Variants in INTS4 observed in about 807,000 individuals in gnomAD.
The protein encoded by INTS4 is MSTP093.
INTS4 carries 70 observed loss-of-function variants against 119.5 expected under a neutral mutation model. That is an observed-to-expected ratio of 0.59 (90% CI 0.48 to 0.71). The LOEUF (loss-of-function observed/expected upper bound fraction) is 0.71. Among genes scored for constraint, INTS4 ranks in the 30% least tolerant of loss-of-function variants. The pLI, the probability that INTS4 is intolerant of heterozygous loss-of-function variation, is 0.00. For synonymous variants in INTS4, 316 were observed against 419.6 expected, an observed-to-expected ratio of 0.75 and a Z score of 3.02; for missense variants, 867 against 1,173.2, an observed-to-expected ratio of 0.74 and a Z score of 3.81.
intron 10 of INTS4, among the ~76,000 whole-genome samples, chr11:77,937,320 C>T: frequency 6.6e-6 from 1 of 151,346 alleles, no homozygotes; most frequent in Non-Finnish European, 1.5e-5. Context: ...ATATCATAAT[C>T]AAATTGCTTA....
chr11:77,881,123 G>A (rs1290278491), intron 22 of INTS4, among the ~76,000 whole-genome samples: 1 of 152,146 alleles, frequency 6.6e-6, no homozygotes, highest in Non-Finnish European at 1.5e-5. Context: ...CTTGGGAGAA[G>A]GAGACAAGAT....
chr11:77,983,889 CAAAA>C (rs1049555460), intron 2 of INTS4, among the ~76,000 whole-genome samples: 3 of 151,850 alleles, frequency 2.0e-5, no homozygotes, highest in African/African-American at 7.3e-5. Context: ...GGTATATACT[CAAAA>C]AAATTTAAAG....
At chr11:77,984,955 G>A (rs1856398828) in intron 2 of INTS4, among the ~76,000 whole-genome samples, 1 of 148,928 alleles carries the variant, frequency 6.7e-6, no homozygotes, top group African/African-American at 2.5e-5. Context: ...CTGACCTAGT[G>A]ACATTCCTTA....
intron 5 of INTS4, 50 bp from the exon 6 acceptor site, chr11:77,960,441 T>A (rs764920655): frequency 3.1e-6 from 4 of 1,290,388 alleles, no homozygotes; most frequent in African/African-American, 1.5e-5. Flanking sequence ...AGAGCAATAT[T>A]TCCAATGTCT....
At chr11:77,968,234 A>T (rs1462618933) in intron 4 of INTS4, among the ~76,000 whole-genome samples, 1 of 152,214 alleles carries the variant, frequency 6.6e-6, no homozygotes, top group Non-Finnish European at 1.5e-5. Context: ...TCCTTAAAAA[A>T]ATACATATGA....
intron 19 of INTS4, among the ~76,000 whole-genome samples, chr11:77,893,432 C>T (rs1952363359): frequency 1.3e-5 from 2 of 151,878 alleles, no homozygotes; most frequent in Non-Finnish European, 2.9e-5. Context: ...ACAGCAAGAC[C>T]CCATCTCTAA....
intron 8 of INTS4, among the ~76,000 whole-genome samples, chr11:77,954,682 C>T (rs12575197): frequency 0.15 from 22,412 of 152,022 alleles, 1,852 homozygotes; most frequent in East Asian, 0.25. Flanking sequence ...ACCTAGATCC[C>T]GCACATGCTC....
downstream of INTS4, chr11:77,878,631 C>T (rs1565217597): frequency 1.2e-5 from 7 of 600,398 alleles, no homozygotes; most frequent in East Asian, 2.0e-4. Context: ...CTTTGTGTTT[C>T]ACACCTGAGG....
intron 8 of INTS4, among the ~76,000 whole-genome samples, chr11:77,951,534 A>G (rs2136556316): frequency 6.6e-6 from 1 of 152,330 alleles, no homozygotes; most frequent in Middle Eastern, 3.4e-3. Context: ...AAAGACTTAA[A>G]TGTTAGACCT....
At chr11:77,911,867 A>T (rs1953094631) in intron 15 of INTS4, among the ~76,000 whole-genome samples, 3 of 152,222 alleles carry the variant, frequency 2.0e-5, no homozygotes, top group Non-Finnish European at 2.9e-5. Flanking sequence ...CTGAACAGGA[A>T]ACTAAAGATC....
rs1432933733 is a variant in INTS4 at position 77,907,876 on chromosome 11, G to A, written c.1923-66C>T. ...ATAATGCCACCAACATAAAGATCATGTCAAAAGCATTTTATCATTTTATAC... is the reference window on the plus strand; with the variant it reads ...ATAATGCCACCAACATAAAGATCATATCAAAAGCATTTTATCATTTTATAC... On this transcript the variant is annotated intron_variant, in intron 15 of 22. Transcript: ENST00000534064. 5 of 1,011,062 alleles carry A rather than the reference G, an allele frequency of 4.9e-6. No homozygotes were observed. In the African/African-American group the frequency reaches 8.1e-5, roughly 16 times the overall value. The allele number at this position is 1,011,062 out of a possible 1,614,324, so 62.6% of individuals were successfully genotyped here.
At chr11:77,956,754 AT>A (rs1954337390) in intron 7 of INTS4, among the ~76,000 whole-genome samples, 1 of 122,128 alleles carries the variant, frequency 8.2e-6, no homozygotes, top group Admixed American at 8.5e-5. Flanking sequence ...AATAATAATA[AT>A]AATAAACAAA....
chr11:77,956,715 ATAATAATAATAATAATAATAAT>A (rs1954334235), intron 7 of INTS4, among the ~76,000 whole-genome samples: 1 of 73,138 alleles, frequency 1.4e-5, no homozygotes, highest in Non-Finnish European at 2.9e-5. Context: ...TCAAAAAATA[ATAATAATAATAATAATAATAAT>A]AATAATAATA....
chr11:77,918,373 T>C (rs543322755), intron 15 of INTS4: 2 of 347,268 alleles, frequency 5.8e-6, no homozygotes, highest in East Asian at 1.3e-4. Context: ...GCTGATATTA[T>C]GCCACTGCAC....
intron 15 of INTS4, among the ~76,000 whole-genome samples, chr11:77,915,872 G>A (rs1232645278): frequency 6.6e-6 from 1 of 152,216 alleles, no homozygotes; most frequent in African/African-American, 2.4e-5. Context: ...CATGAGTTTT[G>A]CATAGGGAAT....
intron 4 of INTS4, among the ~76,000 whole-genome samples, chr11:77,977,279 G>A (rs868513099): frequency 1.4e-4 from 21 of 152,080 alleles, no homozygotes; most frequent in Middle Eastern, 3.4e-3. Flanking sequence ...TTCAGTAATA[G>A]GTGAATAGTT....
intron 8 of INTS4, among the ~76,000 whole-genome samples, chr11:77,946,730 C>A (rs61201377): frequency 0.13 from 19,464 of 148,930 alleles, 1,444 homozygotes; most frequent in East Asian, 0.25. Flanking sequence ...CACTGCACTT[C>A]GGCCTGGGTG....
chr11:77,932,199 G>A (rs1591072096), intron 10 of INTS4, among the ~76,000 whole-genome samples: 1 of 152,014 alleles, frequency 6.6e-6, no homozygotes, highest in African/African-American at 2.4e-5. Flanking sequence ...ATCTGACAAA[G>A]AGCTAATATC....
intron 11 of INTS4, among the ~76,000 whole-genome samples, chr11:77,926,605 G>A (rs1262545498): frequency 2.0e-5 from 3 of 151,808 alleles, no homozygotes; most frequent in African/African-American, 7.3e-5. Context: ...TCAGGAGTTC[G>A]AGACCAGCCT....
Sources: allele counts gnomAD v4.1 joint callset (sites outside exome capture counted in the v4.1 genomes callset), GRCh38; gene constraint gnomAD v4.1.1; transcripts MANE v1.5; gene names NCBI Gene and HGNC (gene_info 2026-07-23, HGNC 2026-07-21).